Variants in ERBB4 observed in about 807,000 individuals in gnomAD.
ERBB4 encodes the protein receptor tyrosine-protein kinase erbB-4.
A neutral mutation model predicts 158.0 loss-of-function variants in ERBB4; 42 were observed. The observed-to-expected ratio is 0.27, with a 90% CI of 0.21 to 0.34. ERBB4 has a LOEUF of 0.34. Ranked by LOEUF, ERBB4 falls within the 10% of genes least tolerant of loss-of-function variation. The probability of loss-of-function intolerance (pLI) is 1.00; values close to 1 mark genes in which losing one functional copy is unlikely to be tolerated. For missense variants in ERBB4, 1,333 were observed against 1,624.1 expected (o/e 0.82, Z 3.08); for synonymous variants, 583 against 558.7 (o/e 1.04, Z -0.61).
intron 5 of ERBB4, among the ~76,000 whole-genome samples, chr2:211,745,834 C>T (rs1230781753): frequency 8.6e-5 from 13 of 150,326 alleles, no homozygotes; most frequent in African/African-American, 3.2e-4. Flanking sequence ...AAACTGGAAA[C>T]AACTGAGATT....
chr2:211,566,282 G>C (rs961627417), intron 19 of ERBB4, among the ~76,000 whole-genome samples: 1 of 152,180 alleles, frequency 6.6e-6, no homozygotes, highest in East Asian at 1.9e-4. Context: ...TCAGAGAGAA[G>C]AGAATTCAAC....
At chr2:212,410,896 T>G (rs1454009652) in intron 1 of ERBB4, among the ~76,000 whole-genome samples, 1 of 152,084 alleles carries the variant, frequency 6.6e-6, no homozygotes, top group Non-Finnish European at 1.5e-5. Context: ...TATTTACTGT[T>G]AATTTGTAGC....
intron 22 of ERBB4, among the ~76,000 whole-genome samples, chr2:211,426,512 CCTAT>C (rs1288914095): frequency 4.6e-5 from 7 of 152,178 alleles, no homozygotes; most frequent in East Asian, 3.9e-4. Flanking sequence ...CAGAGTACTA[CCTAT>C]CTATTTATTT....
intron 20 of ERBB4, among the ~76,000 whole-genome samples, chr2:211,491,687 G>A (rs1443962104): frequency 6.6e-6 from 1 of 151,942 alleles, no homozygotes; most frequent in African/African-American, 2.4e-5. Context: ...AACAAAATTA[G>A]AGCCTTTAGA....
At chr2:212,151,326 CT>C (rs1249300769) in intron 1 of ERBB4, among the ~76,000 whole-genome samples, 2 of 150,716 alleles carry the variant, frequency 1.3e-5, no homozygotes, top group Middle Eastern at 3.2e-3. Context: ...TATATAAGTG[CT>C]TTGTGTTCTG....
intron 2 of ERBB4, among the ~76,000 whole-genome samples, chr2:211,985,362 G>A (rs930665114): frequency 7.9e-5 from 12 of 152,062 alleles, no homozygotes; most frequent in South Asian, 2.1e-4. Flanking sequence ...ATTTACTATC[G>A]AATCATTAGA....
intron 2 of ERBB4, among the ~76,000 whole-genome samples, chr2:212,003,216 G>A (rs71350758): frequency 0.1 from 3,343 of 33,488 alleles, 231 homozygotes; most frequent in Non-Finnish European, 0.13. Flanking sequence ...ACAGAAAGAA[G>A]GAAGGAAGGA....
chr2:211,454,074 A>G (rs1194912461), intron 20 of ERBB4, among the ~76,000 whole-genome samples: 1 of 152,184 alleles, frequency 6.6e-6, no homozygotes, highest in African/African-American at 2.4e-5. Context: ...ACGTAGCTAT[A>G]ATTGTACTGT....
Position 211,887,392 on chromosome 2 carries a change from TCA to T in ERBB4, c.421+60036_421+60037del, listed in dbSNP as rs374431924. On this transcript the variant is annotated intron_variant, in intron 3 of 27. Coordinates refer to ENST00000342788, the MANE Select transcript of ERBB4 (RefSeq NM_005235.3). The stretch of plus-strand genomic sequence containing the variant: ...TTTTACATCTGTTAGAATCAAGATT[TCA>T]CACAGTTAACCCAGTCCATGGTGTT... 2.8e-3 allele frequency among the ~76,000 whole-genome samples: 421 copies of T among 152,240 alleles called. 3 individuals carry two copies. The highest frequency in any genetic ancestry group is 0.01 in the Middle Eastern group (3 of 294).
chr2:211,626,946 AT>A (rs1431630579), intron 17 of ERBB4, among the ~76,000 whole-genome samples: 4 of 34,732 alleles, frequency 1.2e-4, no homozygotes, highest in African/African-American at 2.3e-4. Flanking sequence ...ATAAAAATAA[AT>A]AAAAAAAATA....
intron 20 of ERBB4, among the ~76,000 whole-genome samples, chr2:211,490,134 C>T (rs2065303083): frequency 1.3e-5 from 2 of 152,028 alleles, no homozygotes; most frequent in Non-Finnish European, 2.9e-5. Context: ...AGATATAAAA[C>T]ATCTTTTCCT....
chr2:211,508,944 A>AAC (rs1553552504), intron 20 of ERBB4, among the ~76,000 whole-genome samples: 1,900 of 132,682 alleles, frequency 0.014, 52 homozygotes, highest in African/African-American at 0.048. Context: ...CAAACAAACA[A>AAC]AAAAACAAAA....
intron 2 of ERBB4, among the ~76,000 whole-genome samples, chr2:211,961,884 A>G (rs1286973675): frequency 1.3e-5 from 2 of 152,162 alleles, no homozygotes; most frequent in Non-Finnish European, 2.9e-5. Context: ...GAAATTTGGA[A>G]AAAATACTTT....
chr2:211,457,242 C>G (rs938426321), intron 20 of ERBB4, among the ~76,000 whole-genome samples: 1 of 152,106 alleles, frequency 6.6e-6, no homozygotes, highest in African/African-American at 2.4e-5. Flanking sequence ...TAAGCCTGTA[C>G]AGTATTCCTA....
intron 3 of ERBB4, among the ~76,000 whole-genome samples, chr2:211,878,717 G>A (rs2078582626): frequency 1.4e-5 from 2 of 144,790 alleles, no homozygotes; most frequent in Admixed American, 7.0e-5. Flanking sequence ...GAGTGCAGTG[G>A]CGCAATCTCA....
At chr2:212,345,210 G>A (rs113124328) in intron 1 of ERBB4, among the ~76,000 whole-genome samples, 35,043 of 137,618 alleles carry the variant, frequency 0.25, 4,539 homozygotes, top group Non-Finnish European at 0.29. Flanking sequence ...AGCTTGCAGT[G>A]AGCCCAGATT....
Position 212,419,692 on chromosome 2 carries a change from G to T in ERBB4, c.82+118757C>A, listed in dbSNP as rs368157034. Among the ~76,000 whole-genome samples the T allele has an allele frequency of 1.8e-3, 279 of 151,832 alleles. 2 individuals are homozygous for T. Among genetic ancestry groups the T allele is most frequent in the Middle Eastern group, 6.8e-3 (2 of 292 alleles). On this transcript the variant is annotated intron_variant, in intron 1 of 27. Coordinates refer to ENST00000342788, the MANE Select transcript of ERBB4 (RefSeq NM_005235.3). The stretch of plus-strand genomic sequence containing the variant: ...TTAATAATCATTTTGAGGACCTACT[G>T]TTGTGAGGAATGAAATGTATTTCAT...
At chr2:211,855,313 ATG>A (rs1481717503) in intron 3 of ERBB4, among the ~76,000 whole-genome samples, 6 of 152,166 alleles carry the variant, frequency 3.9e-5, no homozygotes, top group Non-Finnish European at 8.8e-5. Context: ...TCTTAAAATT[ATG>A]CCCTTTGATG....
chr2:211,530,811 C>T (rs1262577900), intron 20 of ERBB4, among the ~76,000 whole-genome samples: 2 of 152,034 alleles, frequency 1.3e-5, no homozygotes, highest in African/African-American at 4.8e-5. Flanking sequence ...AACGCTTGTG[C>T]CTAGCAAGTC....
Sources: allele counts gnomAD v4.1 joint callset (sites outside exome capture counted in the v4.1 genomes callset), GRCh38; gene constraint gnomAD v4.1.1; transcripts MANE v1.5; gene names NCBI Gene and HGNC (gene_info 2026-07-23, HGNC 2026-07-21).